SIDT1: variants seen among roughly 807,000 people sequenced by gnomAD.
The protein encoded by SIDT1 is SID1 transmembrane family, member 1.
In SIDT1, 101 loss-of-function variants were observed where a neutral mutation model predicts 107.5. That is an observed-to-expected ratio of 0.94 (90% CI 0.80 to 1.11). The LOEUF is 1.11. Among genes scored for constraint, SIDT1 ranks in the 50% least tolerant of loss-of-function variants. SIDT1 has a pLI of 0.00. For synonymous variants in SIDT1, 395 were observed against 398.2 expected, an observed-to-expected ratio of 0.99 and a Z score of 0.10; for missense variants, 1,076 against 1,058.2, an observed-to-expected ratio of 1.02 and a Z score of -0.23.
At chr3:113,581,319 C>A in intron 5 of SIDT1, 42 bp from the exon 6 acceptor site, 1 of 1,488,336 alleles carries the variant, frequency 6.7e-7, no homozygotes, top group Non-Finnish European at 9.4e-7. Context: ...CATTGCATGA[C>A]ATTATGGATG....
downstream of SIDT1, among the ~76,000 whole-genome samples, chr3:113,634,280 A>C (rs924145608): frequency 6.6e-5 from 10 of 152,196 alleles, no homozygotes; most frequent in African/African-American, 2.4e-4. Context: ...GTGAGATCTT[A>C]CTATTGGAAA....
At chr3:113,636,787 GA>G in the SIDT1 span, among the ~76,000 whole-genome samples, 1 of 152,158 alleles carries the variant, frequency 6.6e-6, no homozygotes, top group Admixed American at 6.5e-5. Flanking sequence ...TTTCTCACAG[GA>G]GGAAACGGGC....
chr3:113,608,852 T>C (rs1335329334), intron 17 of SIDT1, among the ~76,000 whole-genome samples: 1 of 152,168 alleles, frequency 6.6e-6, no homozygotes, highest in African/African-American at 2.4e-5. Context: ...AGCCTGTATG[T>C]TGGTTTTATC....
chr3:113,619,035 G>A (rs1337167566), intron 20 of SIDT1, among the ~76,000 whole-genome samples: 1 of 152,108 alleles, frequency 6.6e-6, no homozygotes, highest in African/African-American at 2.4e-5. Context: ...ATGTCAGCCA[G>A]GCTGGTTTCA....
chr3:113,619,590 T>C (rs1946321454), intron 20 of SIDT1, 90 bp from the exon 21 acceptor site: 1 of 1,118,564 alleles, frequency 8.9e-7, no homozygotes, highest in Non-Finnish European at 1.3e-6. Context: ...AATGCAATTG[T>C]TTTCCCATAG....
In SIDT1 at chr3:113,580,640, C is replaced by T; in HGVS notation, c.594C>T (p.Asp198=). ...TATACAAGTTTCCCAAAGACGTGGA[C>T]TCAGTTATCATTAAAGTGGTGTCTG... is the stretch of plus-strand genomic sequence containing the variant. ...YFLYKFPKDV[D]SVIIKVVSEM... is the part of the protein sequence containing the mutation. Residue 198 remains aspartate (D), a synonymous_variant, in exon 5 of 25, where the codon GAC becomes GAT. Coordinates refer to ENST00000264852, the MANE Select transcript of SIDT1 (RefSeq NM_017699.3). The T allele has an allele frequency of 1.9e-6, 3 of 1,612,026 alleles. No individual in the cohort carries two copies. The highest frequency in any genetic ancestry group is 2.2e-5 in the South Asian group (2 of 91,028).
In SIDT1 at chr3:113,601,633, C is replaced by A. The variant is rs1041952012; in HGVS notation, c.1091C>A (p.Pro364His). The A allele has an allele frequency of 1.2e-5, 19 of 1,613,722 alleles. No homozygotes were observed. Among genetic ancestry groups the A allele is most frequent in the Non-Finnish European group, 1.5e-5 (18 of 1,179,696 alleles). Reference protein sequence around the residue: ...VASHPIAASTPEGSNYGTIDE... With the variant: ...VASHPIAASTHEGSNYGTIDE... ...TCTCATCCCATTGCTGCCAGCACACCCGAAGGGAGCAATTATGGGACAATA... is the reference window on the plus strand; with the variant it reads ...TCTCATCCCATTGCTGCCAGCACACACGAAGGGAGCAATTATGGGACAATA... Residue 364 changes from proline (P) to histidine (H), a missense_variant, in exon 11 of 25, where the codon CCC becomes CAC. By Grantham distance (77) the Pro-to-His change is moderately conservative. Coordinates refer to ENST00000264852, the MANE Select transcript of SIDT1 (RefSeq NM_017699.3).
At chr3:113,579,753 G>T (rs3773691) in intron 4 of SIDT1, among the ~76,000 whole-genome samples, 1 of 151,928 alleles carries the variant, frequency 6.6e-6, no homozygotes, top group Admixed American at 6.6e-5. Context: ...TTCACTGGGA[G>T]CCTGTTTCGG....
chr3:113,566,325 T>G (rs1445423684), intron 1 of SIDT1, 95 bp from the exon 2 acceptor site: 5 of 1,191,422 alleles, frequency 4.2e-6, no homozygotes, highest in Non-Finnish European at 6.0e-6. Flanking sequence ...ATGGTGTGTG[T>G]GTTTGTGTGT....
At chr3:113,593,170 G>T (rs573189795) in intron 10 of SIDT1, 122 bp downstream of exon 10, 1 of 852,290 alleles carries the variant, frequency 1.2e-6, no homozygotes, top group Non-Finnish European at 2.0e-6. Context: ...TTCCTATCCC[G>T]CAGAGTAGTC....
intron 5 of SIDT1, 95 bp downstream of exon 5, chr3:113,580,804 T>A: frequency 2.5e-6 from 2 of 801,318 alleles, no homozygotes; most frequent in Non-Finnish European, 4.3e-6. Context: ...ATCCTCTTAC[T>A]GTGTATCTCC....
In SIDT1 at chr3:113,533,050, T is replaced by TCTGCGCGCTGCC. The variant is rs1937638195; in HGVS notation, c.33_44dup (p.Cys11_Pro14dup). 6.9e-7 allele frequency: 1 copy of TCTGCGCGCTGCC among 1,450,870 alleles called. No individual in the cohort carries two copies. The highest frequency in any genetic ancestry group is 1.5e-5 in the African/African-American group (1 of 67,710). The allele number at this position is 1,450,870 out of a possible 1,614,324, so 89.9% of individuals were successfully genotyped here. On this transcript the variant is annotated inframe_insertion, in exon 1 of 25. Transcript: ENST00000264852. The stretch of plus-strand genomic sequence containing the variant: ...CGCGGCTGCCTGCGGCTCGCGCTGC[T>TCTGCGCGCTGCC]CTGCGCGCTGCCCTGGCTCCTGCTG...
chr3:113,559,103 C>G (rs1941175758), intron 1 of SIDT1, among the ~76,000 whole-genome samples: 1 of 152,134 alleles, frequency 6.6e-6, no homozygotes, highest in Admixed American at 6.5e-5. Context: ...GGTTGTCATT[C>G]AGGTTGTTTC....
chr3:113,575,746 T>A lies in SIDT1; in HGVS notation c.516-1176T>A, dbSNP rs577641578. On this transcript the variant is annotated intron_variant, in intron 3 of 24. Coordinates refer to ENST00000264852, the MANE Select transcript of SIDT1 (RefSeq NM_017699.3). ...TAATTATACACCTCTTGCTTAAATG[T>A]CTTGAAATGTCCTTTCTAAAGAAAT... Among the ~76,000 whole-genome samples, 7 of 152,354 alleles carry A rather than the reference T, an allele frequency of 4.6e-5. No homozygotes were observed. The East Asian group carries it at 1.2e-3, about 25-fold the overall frequency.
chr3:113,572,651 C>G (rs1942560581), intron 3 of SIDT1, among the ~76,000 whole-genome samples: 1 of 152,186 alleles, frequency 6.6e-6, no homozygotes, highest in Admixed American at 6.5e-5. Flanking sequence ...ATGATTAGAA[C>G]TTGAATGTGT....
At chr3:113,537,327 A>C (rs1281211415) in intron 1 of SIDT1, among the ~76,000 whole-genome samples, 1 of 152,236 alleles carries the variant, frequency 6.6e-6, no homozygotes, top group Non-Finnish European at 1.5e-5. Flanking sequence ...ACCTAGAACC[A>C]GTTAAACCAG....
chr3:113,612,500 T>A (rs1945828430), intron 19 of SIDT1: 1 of 473,762 alleles, frequency 2.1e-6, no homozygotes, highest in African/African-American at 2.0e-5. Flanking sequence ...TGACTTGTAT[T>A]AGAGAATGGT....
At chr3:113,587,571 T>C (rs6787745) in intron 9 of SIDT1, among the ~76,000 whole-genome samples, 65,032 of 152,034 alleles carry the variant, frequency 0.43, 14,286 homozygotes, top group East Asian at 0.67. Context: ...CTCTTCCATT[T>C]ACTAAAAGAA....
intron 9 of SIDT1, chr3:113,592,670 C>T (rs528392614): frequency 3.6e-6 from 1 of 280,842 alleles, no homozygotes; most frequent in Admixed American, 4.3e-5. Flanking sequence ...TCACTGCAAC[C>T]TCCACCTCCT....
Sources: allele counts gnomAD v4.1 joint callset (sites outside exome capture counted in the v4.1 genomes callset), GRCh38; gene constraint gnomAD v4.1.1; transcripts MANE v1.5; gene names NCBI Gene and HGNC (gene_info 2026-07-23, HGNC 2026-07-21).